DAB1: variants seen among roughly 807,000 people sequenced by gnomAD.
The protein encoded by DAB1 is DAB adaptor protein 1.
A neutral mutation model predicts 64.6 loss-of-function variants in DAB1; 15 were observed. The ratio of observed to expected loss-of-function variants is 0.23; its 90% CI spans 0.16 to 0.36. The LOEUF is 0.36. DAB1 is among the 10% of genes least tolerant of loss of function. The pLI is 1.00. For synonymous variants in DAB1, 235 were observed against 251.9 expected, an observed-to-expected ratio of 0.93 and a Z score of 0.64; for missense variants, 596 against 706.7, an observed-to-expected ratio of 0.84 and a Z score of 1.78.
At position 57,676,770 on chromosome 1, in the gene DAB1, G is replaced by A. The variant is rs534488714; in HGVS notation, n.552-27105C>T. Among the ~76,000 whole-genome samples the A allele has an allele frequency of 2.0e-5, 3 of 152,168 alleles. No homozygotes were observed. In the East Asian group the frequency reaches 5.8e-4, roughly 29 times the overall value. On this transcript the variant is annotated intron_variant and non_coding_transcript_variant, in intron 6 of 20. Coordinates refer to the DAB1 transcript ENST00000485760. ...TGCCATGCCTTTCAATGGGCTTTAA[G>A]TGCTATCTCCTCCGCTTGGAATGAC...
intron 1 of DAB1, among the ~76,000 whole-genome samples, chr1:58,541,293 C>CAA (rs71043292): frequency 1.5e-4 from 4 of 27,570 alleles, no homozygotes; most frequent in African/African-American, 2.2e-4. Context: ...GACTCTGTCT[C>CAA]AAAAAAAAAA....
At chr1:57,959,248 A>C (rs191849790) in intron 5 of DAB1, among the ~76,000 whole-genome samples, 15 of 152,218 alleles carry the variant, frequency 9.9e-5, no homozygotes. Flanking sequence ...CACCTGCCTC[A>C]TAGGGCCAGT....
chr1:58,229,634 G>C (rs1001567973), intron 4 of DAB1, among the ~76,000 whole-genome samples: 1 of 152,190 alleles, frequency 6.6e-6, no homozygotes, highest in South Asian at 2.1e-4. Flanking sequence ...GGAGGAATAA[G>C]AGAGTACCAA....
intron 4 of DAB1, among the ~76,000 whole-genome samples, chr1:58,331,221 G>T (rs545875455): frequency 6.6e-6 from 1 of 152,276 alleles, no homozygotes; most frequent in African/African-American, 2.4e-5. Context: ...CAGATGTGAT[G>T]GAAATTACCA....
chr1:57,207,129 T>C (rs1204515494), intron 2 of DAB1, among the ~76,000 whole-genome samples: 1 of 151,334 alleles, frequency 6.6e-6, no homozygotes, highest in African/African-American at 2.4e-5. Context: ...CCACTGTGCC[T>C]GGCTAATTTT....
chr1:57,303,490 T>C (rs1041191968), intron 1 of DAB1, among the ~76,000 whole-genome samples: 4 of 152,150 alleles, frequency 2.6e-5, no homozygotes, highest in Admixed American at 2.6e-4. Flanking sequence ...TAAGAGGATA[T>C]GCACAGTCTC....
intron 2 of DAB1, among the ~76,000 whole-genome samples, chr1:57,155,153 A>G (rs1163580517): frequency 6.6e-6 from 1 of 152,250 alleles, no homozygotes; most frequent in Non-Finnish European, 1.5e-5. Flanking sequence ...GAAGTTTAAT[A>G]GACTGAGGTC....
At chr1:58,406,851 G>A (rs562909597) in intron 3 of DAB1, among the ~76,000 whole-genome samples, 25 of 152,078 alleles carry the variant, frequency 1.6e-4, no homozygotes, top group African/African-American at 5.5e-4. Flanking sequence ...CTCCCTACCC[G>A]CTGTGTGACC....
At chr1:57,857,680 T>G (rs1386443116) in intron 1 of DAB1, among the ~76,000 whole-genome samples, 1 of 152,176 alleles carries the variant, frequency 6.6e-6, no homozygotes, top group Non-Finnish European at 1.5e-5. Flanking sequence ...AGTTATCCAT[T>G]CAACCATCTA....
chr1:58,429,768 T>A (rs1644852090), intron 3 of DAB1, among the ~76,000 whole-genome samples: 1 of 152,240 alleles, frequency 6.6e-6, no homozygotes, highest in African/African-American at 2.4e-5. Context: ...GAGCACCGCT[T>A]GCTTTCAGTG....
At chr1:57,492,200 G>A (rs1281805527) in intron 7 of DAB1, among the ~76,000 whole-genome samples, 1 of 152,206 alleles carries the variant, frequency 6.6e-6, no homozygotes, top group East Asian at 1.9e-4. Context: ...GGAGCAAAGA[G>A]GCAGCTGAAG....
At chr1:58,243,963 T>C (rs1660417190) in intron 4 of DAB1, among the ~76,000 whole-genome samples, 1 of 151,862 alleles carries the variant, frequency 6.6e-6, no homozygotes, top group African/African-American at 2.4e-5. Context: ...CAAGAAAAAT[T>C]TCATCATTTC....
At chr1:57,072,530 T>A in intron 4 of DAB1, 116 bp from the exon 5 acceptor site, 1 of 1,094,370 alleles carries the variant, frequency 9.1e-7, no homozygotes, top group Non-Finnish European at 1.3e-6. Context: ...TTGGAAAAGC[T>A]GTTTAGTCCA....
chr1:57,102,584 A>G (rs1654779651), intron 4 of DAB1, among the ~76,000 whole-genome samples: 1 of 152,214 alleles, frequency 6.6e-6, no homozygotes, highest in African/African-American at 2.4e-5. Flanking sequence ...TAATTACAGC[A>G]TATGAATTTT....
chr1:58,195,504 A>T (rs1459491196), intron 4 of DAB1, among the ~76,000 whole-genome samples: 1 of 152,252 alleles, frequency 6.6e-6, no homozygotes, highest in African/African-American at 2.4e-5. Flanking sequence ...GAAAGATGTA[A>T]GAACAGACAC....
rs574420370 is a variant in DAB1, at chr1:57,856,657, G to A, written n.87+27342C>T. Among the ~76,000 whole-genome samples the A allele has an allele frequency of 8.5e-5, 13 of 152,072 alleles. No individual in the cohort carries two copies. In the South Asian group the frequency reaches 2.5e-3, roughly 29 times the overall value. ...TGCGCACCTGTAATCTCAGCTACACGGGAGGCTGAGGCACGAGAATCACTT... is the reference window on the plus strand; with the variant it reads ...TGCGCACCTGTAATCTCAGCTACACAGGAGGCTGAGGCACGAGAATCACTT... On this transcript the variant is annotated intron_variant and non_coding_transcript_variant, in intron 1 of 1. Transcript: ENST00000477280.
chr1:57,637,581 G>T (rs1646072615), intron 7 of DAB1, among the ~76,000 whole-genome samples: 1 of 152,154 alleles, frequency 6.6e-6, no homozygotes, highest in Non-Finnish European at 1.5e-5. Context: ...GCAGGTGAGG[G>T]TAACATGGGA....
rs542964773 is a variant in DAB1, at chr1:58,232,256, G to A, written n.310-81668C>T. On this transcript the variant is annotated intron_variant and non_coding_transcript_variant, in intron 4 of 20. Transcript: ENST00000485760. ...AGCTCTGGAAATATGAGAAGAGACC[G>A]TGCCTAATAGTTCTCAGTGCTGAAC... 8.5e-5 allele frequency among the ~76,000 whole-genome samples: 13 copies of A among 152,236 alleles called. 1 individual carries two copies. The highest frequency in any genetic ancestry group is 1.7e-4 in the African/African-American group (7 of 41,542).
chr1:57,559,944 A>G (rs1645032256), intron 7 of DAB1, among the ~76,000 whole-genome samples: 1 of 152,248 alleles, frequency 6.6e-6, no homozygotes, highest in Non-Finnish European at 1.5e-5. Context: ...CAGCTCTCTC[A>G]TTTGGCCTTT....
Sources: gnomAD v4.1 joint callset for allele counts (sites outside exome capture counted in the v4.1 genomes callset) on GRCh38, gnomAD v4.1.1 for gene constraint, MANE v1.5 for transcripts, NCBI Gene and HGNC (gene_info 2026-07-23, HGNC 2026-07-21) for gene names.